Variants in ANGPT1 observed in about 807,000 individuals in gnomAD.
The protein encoded by ANGPT1 is angiopoietin-1.
Under a neutral mutation model 62.2 loss-of-function variants are expected in ANGPT1, and 17 were observed. The ratio of observed to expected loss-of-function variants is 0.27; its 90% CI spans 0.19 to 0.41. ANGPT1 has a LOEUF of 0.41. Ranked by LOEUF, ANGPT1 falls within the 10% of genes least tolerant of loss-of-function variation. ANGPT1 has a pLI of 1.00. For missense variants in ANGPT1, 478 were observed against 594.9 expected, an observed-to-expected ratio of 0.80 and a Z score of 2.04; for synonymous variants, 199 against 198.9, an observed-to-expected ratio of 1.00 and a Z score of 0.00.
At chr8:107,268,055 C>G (rs558693000) in intron 7 of ANGPT1, among the ~76,000 whole-genome samples, 1 of 152,102 alleles carries the variant, frequency 6.6e-6, no homozygotes, top group South Asian at 2.1e-4. Flanking sequence ...TGTCTTTTCA[C>G]TTTTCTGTTT....
intron 3 of ANGPT1, among the ~76,000 whole-genome samples, chr8:107,326,772 G>A (rs1815300051): frequency 6.6e-6 from 1 of 152,060 alleles, no homozygotes; most frequent in Admixed American, 6.6e-5. Flanking sequence ...CATAGAATGA[G>A]CAGATGTTAC....
At chr8:107,463,130 G>T (rs1812114195) in intron 1 of ANGPT1, among the ~76,000 whole-genome samples, 1 of 152,124 alleles carries the variant, frequency 6.6e-6, no homozygotes, top group Non-Finnish European at 1.5e-5. Flanking sequence ...CTTTCTGGTA[G>T]ACTCTTCACT....
At chr8:107,360,741 G>T (rs549773222) in intron 1 of ANGPT1, among the ~76,000 whole-genome samples, 2 of 152,210 alleles carry the variant, frequency 1.3e-5, no homozygotes, top group East Asian at 1.9e-4. Context: ...CCTAACATTT[G>T]ATGATCACCG....
intron 7 of ANGPT1, among the ~76,000 whole-genome samples, chr8:107,282,587 T>C (rs1443640365): frequency 1.5e-5 from 2 of 132,022 alleles, no homozygotes; most frequent in African/African-American, 2.9e-5. Context: ...TATATATATA[T>C]ATATATATGA....
At chr8:107,422,698 C>G (rs1039597645) in intron 1 of ANGPT1, among the ~76,000 whole-genome samples, 12 of 152,160 alleles carry the variant, frequency 7.9e-5, no homozygotes, top group Non-Finnish European at 1.5e-5. Context: ...AAGGCCTGAA[C>G]TAATTTTACA....
intron 1 of ANGPT1, among the ~76,000 whole-genome samples, chr8:107,422,617 G>A (rs1016338086): frequency 6.6e-6 from 1 of 151,798 alleles, no homozygotes; most frequent in African/African-American, 2.4e-5. Context: ...TAACATAATC[G>A]CCCACATTTG....
chr8:107,416,964 T>C (rs905099222), intron 1 of ANGPT1, among the ~76,000 whole-genome samples: 2 of 152,068 alleles, frequency 1.3e-5, no homozygotes, highest in African/African-American at 4.8e-5. Context: ...CTAATTTTTG[T>C]ATTTTTAGTA....
At chr8:107,327,349 T>C (rs1237986876) in intron 3 of ANGPT1, among the ~76,000 whole-genome samples, 3 of 151,886 alleles carry the variant, frequency 2.0e-5, no homozygotes, top group Non-Finnish European at 4.4e-5. Context: ...TATAGAGAGG[T>C]TGATATGAAG....
chr8:107,389,224 TA>T (rs1816788862), intron 1 of ANGPT1, among the ~76,000 whole-genome samples: 1 of 152,160 alleles, frequency 6.6e-6, no homozygotes, highest in Admixed American at 6.6e-5. Flanking sequence ...TTTATTTCTG[TA>T]AAAAATGAGG....
rs1250615347 is a variant in ANGPT1, at chr8:107,497,423, T to G, written c.136A>C (p.Ile46Leu). Residue 46 changes from isoleucine to leucine, a missense_variant, in exon 1 of 9, where the codon ATT becomes CTT. Transcript: ENST00000517746. ...CAGTTGCCATCGTGTTCTGGAAGAA[T>G]GAAAGTGTAGGCACATTGCCCATGT... ...IQHGQCAYTF[I>L]LPEHDGNCRE... 2 of 1,614,086 alleles carry G rather than the reference T, an allele frequency of 1.2e-6. No individual in the cohort carries two copies.
Position 107,264,366 on chromosome 8 carries a change from A to T in ANGPT1, c.1206-15T>A. The T allele has an allele frequency of 1.2e-6, 2 of 1,607,086 alleles. No homozygotes were observed. Among genetic ancestry groups the T allele is most frequent in the Non-Finnish European group, 1.7e-6 (2 of 1,177,456 alleles). ...TTAAATACAACCTGAAGTCAAAAAG[A>T]AAAAAAAGAAAGATAAGCCATTCGA... On this transcript the variant is annotated splice_polypyrimidine_tract_variant and intron_variant, in intron 7 of 8. Transcript: ENST00000517746.
chr8:107,473,402 G>C (rs1812415578), intron 1 of ANGPT1, among the ~76,000 whole-genome samples: 1 of 151,824 alleles, frequency 6.6e-6, no homozygotes. Context: ...GAATTCACAT[G>C]CCTGCAAACA....
intron 1 of ANGPT1, among the ~76,000 whole-genome samples, chr8:107,458,303 G>A (rs1417182518): frequency 6.6e-6 from 1 of 152,118 alleles, no homozygotes; most frequent in Non-Finnish European, 1.5e-5. Context: ...CTATTGCAAT[G>A]TGTTGGAAAA....
At chr8:107,364,910 A>T (rs183254847) in intron 1 of ANGPT1, among the ~76,000 whole-genome samples, 1 of 152,338 alleles carries the variant, frequency 6.6e-6, no homozygotes, top group East Asian at 1.9e-4. Flanking sequence ...TGTCTTTCAG[A>T]AAAGAACTGT....
intron 4 of ANGPT1, 131 bp downstream of exon 4, chr8:107,321,765 G>T: frequency 1.5e-6 from 1 of 674,034 alleles, no homozygotes; most frequent in Non-Finnish European, 2.4e-6. Context: ...CTTCATAAAT[G>T]ATTCTAACCA....
intron 1 of ANGPT1, among the ~76,000 whole-genome samples, chr8:107,393,683 A>G (rs1016728577): frequency 3.9e-5 from 6 of 152,046 alleles, no homozygotes; most frequent in Non-Finnish European, 8.8e-5. Context: ...GGTGGCAGGC[A>G]CCTGCAGTCC....
At chr8:107,497,165 G>T in intron 1 of ANGPT1, 97 bp downstream of exon 1, 2 of 1,383,536 alleles carry the variant, frequency 1.4e-6, no homozygotes, top group Non-Finnish European at 2.0e-6. Context: ...GGAGCAAAAG[G>T]TAAATACACA....
intron 3 of ANGPT1, 54 bp downstream of exon 3, chr8:107,336,096 G>A: frequency 6.6e-7 from 1 of 1,505,174 alleles, no homozygotes; most frequent in Non-Finnish European, 8.8e-7. Context: ...GCAGAGAGGT[G>A]AAGGATATAA....
At chr8:107,411,943 C>A (rs1672166) in intron 1 of ANGPT1, among the ~76,000 whole-genome samples, 1 of 152,084 alleles carries the variant, frequency 6.6e-6, no homozygotes, top group Admixed American at 6.6e-5. Flanking sequence ...CTTTCTCCTT[C>A]ATGTTAGATC....
Sources: allele counts gnomAD v4.1 joint callset (sites outside exome capture counted in the v4.1 genomes callset), GRCh38; gene constraint gnomAD v4.1.1; transcripts MANE v1.5; gene names NCBI Gene and HGNC (gene_info 2026-07-23, HGNC 2026-07-21).